TTC28: variants seen among roughly 807,000 people sequenced by gnomAD.
The protein encoded by TTC28 is tetratricopeptide repeat domain 28.
Under a neutral mutation model 198.0 loss-of-function variants are expected in TTC28, and 61 were observed. That is an observed-to-expected ratio of 0.31 (90% CI 0.25 to 0.38). TTC28 has a LOEUF of 0.38. TTC28 is among the 10% of genes least tolerant of loss of function. The pLI, the probability that TTC28 is intolerant of heterozygous loss-of-function variation, is 1.00. For missense variants in TTC28, 2,678 were observed against 3,164.0 expected, an observed-to-expected ratio of 0.85 and a Z score of 3.69; for synonymous variants, 1,171 against 1,297.8, an observed-to-expected ratio of 0.90 and a Z score of 2.10.
At chr22:28,442,420 G>T (rs2047639117) in intron 2 of TTC28, among the ~76,000 whole-genome samples, 1 of 152,230 alleles carries the variant, frequency 6.6e-6, no homozygotes, top group South Asian at 2.1e-4. Flanking sequence ...TCGCCCCCCA[G>T]CGGGGCCCTG....
intron 5 of TTC28, among the ~76,000 whole-genome samples, chr22:28,275,322 G>A (rs1455788027): frequency 6.6e-6 from 1 of 152,182 alleles, no homozygotes; most frequent in East Asian, 1.9e-4. Flanking sequence ...ACTGCCATGA[G>A]TTTGCCTCAA....
intron 2 of TTC28, among the ~76,000 whole-genome samples, chr22:28,434,618 C>T (rs1230606926): frequency 6.6e-6 from 1 of 152,200 alleles, no homozygotes; most frequent in Non-Finnish European, 1.5e-5. Context: ...TCCACCATCA[C>T]TCACTGTGAC....
At chr22:28,582,626 T>C (rs1384844348) in intron 2 of TTC28, among the ~76,000 whole-genome samples, 1 of 152,264 alleles carries the variant, frequency 6.6e-6, no homozygotes, top group African/African-American at 2.4e-5. Flanking sequence ...AAAAATCCAT[T>C]AAACAGTTTT....
intron 13 of TTC28, among the ~76,000 whole-genome samples, chr22:28,015,735 C>T (rs1938344541): frequency 6.6e-6 from 1 of 152,012 alleles, no homozygotes. Flanking sequence ...CATCAGTGAT[C>T]TCTTAACCTC....
At chr22:28,139,420 C>G (rs1943277431) in intron 6 of TTC28, among the ~76,000 whole-genome samples, 1 of 152,052 alleles carries the variant, frequency 6.6e-6, no homozygotes, top group Non-Finnish European at 1.5e-5. Context: ...GATAGGATGG[C>G]CTTAATCATT....
At chr22:28,249,582 C>T (rs536791804) in intron 5 of TTC28, among the ~76,000 whole-genome samples, 7 of 152,300 alleles carry the variant, frequency 4.6e-5, no homozygotes, top group African/African-American at 1.7e-4. Context: ...TCTCTAGTAG[C>T]TCTAGGAACT....
intron 12 of TTC28, among the ~76,000 whole-genome samples, chr22:28,048,246 A>G (rs1189948357): frequency 6.6e-6 from 1 of 152,146 alleles, no homozygotes; most frequent in Non-Finnish European, 1.5e-5. Context: ...GCAAGATGCT[A>G]TAAGAGATCC....
At chr22:28,529,447 G>T (rs1055797741) in intron 2 of TTC28, among the ~76,000 whole-genome samples, 3 of 152,168 alleles carry the variant, frequency 2.0e-5, no homozygotes, top group African/African-American at 7.2e-5. Flanking sequence ...GCTCAAAGAG[G>T]CCTGCTTGCC....
intron 1 of TTC28, among the ~76,000 whole-genome samples, chr22:28,675,837 CT>C (rs1396704749): frequency 1.3e-5 from 2 of 151,918 alleles, no homozygotes; most frequent in Non-Finnish European, 2.9e-5. Flanking sequence ...AATCCCAACA[CT>C]TTCTGGGAGG....
At chr22:28,514,679 A>G (rs2048747515) in intron 2 of TTC28, among the ~76,000 whole-genome samples, 2 of 152,190 alleles carry the variant, frequency 1.3e-5, no homozygotes, top group Admixed American at 1.3e-4. Flanking sequence ...CAACACTTAC[A>G]CATGCCTGTG....
intron 5 of TTC28, among the ~76,000 whole-genome samples, chr22:28,167,852 A>T (rs1485663362): frequency 6.6e-6 from 1 of 152,222 alleles, no homozygotes; most frequent in Admixed American, 6.5e-5. Flanking sequence ...AATAAAGGGT[A>T]TTCAATTAGG....
chr22:28,574,341 G>C (rs2050111126), intron 2 of TTC28, among the ~76,000 whole-genome samples: 1 of 151,730 alleles, frequency 6.6e-6, no homozygotes, highest in South Asian at 2.1e-4. Flanking sequence ...TGGCCGAATA[G>C]TACTCCACTG....
At chr22:28,487,479 T>C (rs2048326763) in intron 2 of TTC28, among the ~76,000 whole-genome samples, 1 of 152,042 alleles carries the variant, frequency 6.6e-6, no homozygotes, top group Admixed American at 6.6e-5. Flanking sequence ...AACTGAGATG[T>C]TAATGCTCGT....
chr22:28,560,371 A>T (rs1220274720), intron 2 of TTC28, among the ~76,000 whole-genome samples: 1 of 152,194 alleles, frequency 6.6e-6, no homozygotes, highest in Non-Finnish European at 1.5e-5. Flanking sequence ...TTTCCAAAAC[A>T]TAAGTCACTT....
intron 13 of TTC28, chr22:28,029,082 C>A: frequency 2.1e-6 from 1 of 471,174 alleles, no homozygotes; most frequent in African/African-American, 2.0e-5. Flanking sequence ...TGTGTCCAGG[C>A]CCAATCCCAG....
At chr22:28,538,384 G>T (rs1040960011) in intron 2 of TTC28, among the ~76,000 whole-genome samples, 1 of 149,106 alleles carries the variant, frequency 6.7e-6, no homozygotes, top group African/African-American at 2.5e-5. Context: ...CACTGTGCCT[G>T]GCCTATAGGT....
At chr22:28,645,626 CAAAA>C (rs555638293) in intron 1 of TTC28, among the ~76,000 whole-genome samples, 1 of 76,112 alleles carries the variant, frequency 1.3e-5, no homozygotes. Context: ...GACTACATCT[CAAAA>C]AAAAAAAAAA....
intron 12 of TTC28, among the ~76,000 whole-genome samples, chr22:28,048,034 C>A (rs373319236): frequency 6.6e-6 from 1 of 152,072 alleles, no homozygotes; most frequent in Non-Finnish European, 1.5e-5. Flanking sequence ...AGCCACCATC[C>A]TGTGCAATAG....
chr22:28,458,784 G>A (rs1179874178), intron 2 of TTC28, among the ~76,000 whole-genome samples: 3 of 151,342 alleles, frequency 2.0e-5, no homozygotes, highest in African/African-American at 7.3e-5. Context: ...GGGAGGCTGA[G>A]ACAGGAGAAT....
Sources: gnomAD v4.1 joint callset for allele counts (sites outside exome capture counted in the v4.1 genomes callset) on GRCh38, gnomAD v4.1.1 for gene constraint, MANE v1.5 for transcripts, NCBI Gene and HGNC (gene_info 2026-07-23, HGNC 2026-07-21) for gene names.